The following ENOX1 variants were observed in gnomAD, a reference collection of about 807,000 sequenced individuals.
ENOX1 encodes the protein candidate growth-related and time keeping constitutive hydroquinone (NADH) oxidase.
In ENOX1, 42 loss-of-function variants were observed where a neutral mutation model predicts 82.5. The observed-to-expected ratio is 0.51, with a 90% CI of 0.40 to 0.66. ENOX1 has a LOEUF of 0.66. Among genes scored for constraint, ENOX1 ranks in the 30% least tolerant of loss-of-function variants. The pLI is 0.00. For synonymous variants in ENOX1, 271 were observed against 282.2 expected (o/e 0.96, Z 0.40); for missense variants, 608 against 811.6 (o/e 0.75, Z 3.05).
At chr13:43,519,523 C>T (rs1207873242) in intron 2 of ENOX1, among the ~76,000 whole-genome samples, 3 of 152,134 alleles carry the variant, frequency 2.0e-5, no homozygotes, top group African/African-American at 7.2e-5. Context: ...ACTTTTCACA[C>T]CTCTCCAAGG....
In ENOX1 at chr13:43,542,125, A is replaced by G. The variant is rs769409459; in HGVS notation, c.-218-57973T>C. Among the ~76,000 whole-genome samples the G allele has an allele frequency of 4.6e-5, 7 of 152,278 alleles. No individual in the cohort carries two copies. In the East Asian group the frequency reaches 1.4e-3, roughly 29 times the overall value. On this transcript the variant is annotated intron_variant, in intron 2 of 16. Coordinates refer to ENST00000690772, the MANE Select transcript of ENOX1 (RefSeq NM_001347969.2). ...GCCAGAGGTCCCTGGAATTTAAAGCATAAGTGTCTTCTTCTTTTTTTTCTT... is the reference window on the plus strand; with the variant it reads ...GCCAGAGGTCCCTGGAATTTAAAGCGTAAGTGTCTTCTTCTTTTTTTTCTT...
At chr13:43,498,115 C>T (rs2076856513) in intron 2 of ENOX1, among the ~76,000 whole-genome samples, 1 of 152,028 alleles carries the variant, frequency 6.6e-6, no homozygotes, top group Admixed American at 6.6e-5. Context: ...ACTTTTTCCT[C>T]TTCTGAGAGC....
chr13:43,662,806 T>C (rs2153786481), intron 2 of ENOX1, among the ~76,000 whole-genome samples: 1 of 152,322 alleles, frequency 6.6e-6, no homozygotes, highest in Non-Finnish European at 1.5e-5. Context: ...ATATGGCCCT[T>C]CCCTTCAACA....
intron 15 of ENOX1, among the ~76,000 whole-genome samples, chr13:43,228,096 T>A (rs932883306): frequency 3.5e-5 from 1 of 28,348 alleles, no homozygotes; most frequent in South Asian, 8.3e-4. Context: ...TCTTTGCAGC[T>A]TTTTTTTTTT....
intron 3 of ENOX1, among the ~76,000 whole-genome samples, chr13:43,418,633 A>G (rs539924679): frequency 1.1e-4 from 16 of 152,244 alleles, no homozygotes; most frequent in Non-Finnish European, 1.9e-4. Flanking sequence ...AACTTTCAAG[A>G]GATTCATGAC....
intron 11 of ENOX1, among the ~76,000 whole-genome samples, chr13:43,310,408 T>A (rs9533452): frequency 0.59 from 89,174 of 151,364 alleles, 26,759 homozygotes; most frequent in Middle Eastern, 0.68. Context: ...AATGATTTTT[T>A]TAAAAATGAC....
intron 16 of ENOX1, among the ~76,000 whole-genome samples, chr13:43,220,344 A>G (rs2041722558): frequency 1.3e-5 from 2 of 152,154 alleles, no homozygotes; most frequent in Non-Finnish European, 2.9e-5. Context: ...CCACCAGAAG[A>G]AGCATGGACT....
intron 10 of ENOX1, among the ~76,000 whole-genome samples, chr13:43,325,951 A>G (rs2048087648): frequency 6.6e-6 from 1 of 152,150 alleles, no homozygotes; most frequent in Non-Finnish European, 1.5e-5. Flanking sequence ...TCTGGAGAGA[A>G]GTGTAATAGG....
intron 1 of ENOX1, among the ~76,000 whole-genome samples, chr13:43,686,345 A>G (rs1459087198): frequency 6.6e-6 from 1 of 152,180 alleles, no homozygotes; most frequent in Non-Finnish European, 1.5e-5. Flanking sequence ...ACTTCTGCTT[A>G]TCAGTGGTCA....
At chr13:43,601,126 G>T (rs1443419310) in intron 2 of ENOX1, among the ~76,000 whole-genome samples, 1 of 152,006 alleles carries the variant, frequency 6.6e-6, no homozygotes, top group Non-Finnish European at 1.5e-5. Context: ...TGACAAGACT[G>T]GACGAATACC....
chr13:43,352,578 C>T (rs553516294), intron 8 of ENOX1, among the ~76,000 whole-genome samples: 9 of 152,292 alleles, frequency 5.9e-5, no homozygotes, highest in African/African-American at 1.9e-4. Context: ...CAAAGCCATG[C>T]TATAAACTTT....
rs189613337 is a variant in ENOX1, at chr13:43,524,008, C to G, written c.-218-39856G>C. On this transcript the variant is annotated intron_variant, in intron 2 of 16. Coordinates refer to ENST00000690772, the MANE Select transcript of ENOX1 (RefSeq NM_001347969.2). ...AGAGGTTCTCACCAAGTAATCTGCT[C>G]CCTTTCTTTCCTCACCGGACCCATG... Among the ~76,000 whole-genome samples, 11 of 147,890 alleles carry G rather than the reference C, an allele frequency of 7.4e-5. No homozygotes were observed. The East Asian group carries it at 1.9e-3, about 26-fold the overall frequency.
chr13:43,473,644 T>C (rs918578124), intron 3 of ENOX1, among the ~76,000 whole-genome samples: 7 of 152,198 alleles, frequency 4.6e-5, no homozygotes, highest in African/African-American at 1.7e-4. Context: ...CTCTGGGCTA[T>C]CAATAGAAGC....
At chr13:43,548,942 A>T (rs916271080) in intron 2 of ENOX1, among the ~76,000 whole-genome samples, 1 of 151,982 alleles carries the variant, frequency 6.6e-6, no homozygotes, top group Non-Finnish European at 1.5e-5. Context: ...TGGTTAATTT[A>T]AAAAAAACAA....
At chr13:43,552,082 T>C (rs1471999242) in intron 2 of ENOX1, among the ~76,000 whole-genome samples, 1 of 152,112 alleles carries the variant, frequency 6.6e-6, no homozygotes, top group Non-Finnish European at 1.5e-5. Context: ...CCTGTCACTC[T>C]GAGAGGTTTC....
chr13:43,523,062 T>C (rs547130611), intron 2 of ENOX1, among the ~76,000 whole-genome samples: 3 of 152,288 alleles, frequency 2.0e-5, no homozygotes, highest in South Asian at 4.1e-4. Context: ...TTGTTTCTTA[T>C]GTATAAAGTT....
intron 2 of ENOX1, among the ~76,000 whole-genome samples, chr13:43,529,815 A>G (rs1025561422): frequency 5.9e-5 from 9 of 152,138 alleles, no homozygotes; most frequent in African/African-American, 2.2e-4. Context: ...AAATGATACT[A>G]TTAGAAGCAG....
chr13:43,766,470 T>C (rs1037918676), intron 1 of ENOX1, among the ~76,000 whole-genome samples: 1 of 152,172 alleles, frequency 6.6e-6, no homozygotes. Context: ...TGAGGAAGCA[T>C]AGTATCCTAG....
At chr13:43,366,043 A>G (rs1482202767) in intron 5 of ENOX1, among the ~76,000 whole-genome samples, 3 of 152,270 alleles carry the variant, frequency 2.0e-5, no homozygotes, top group Non-Finnish European at 4.4e-5. Flanking sequence ...GTTTACCAGA[A>G]GTTTCCAGTG....
Sources: gnomAD v4.1 joint callset for allele counts (sites outside exome capture counted in the v4.1 genomes callset) on GRCh38, gnomAD v4.1.1 for gene constraint, MANE v1.5 for transcripts, NCBI Gene and HGNC (gene_info 2026-07-23, HGNC 2026-07-21) for gene names.